The following TPRG1 variants were observed in gnomAD, a reference collection of about 807,000 sequenced individuals.
TPRG1 encodes the protein tumor protein p63-regulated gene 1 protein.
In TPRG1, 29 loss-of-function variants were observed where a neutral mutation model predicts 29.3. The observed-to-expected ratio is 0.99, with a 90% CI of 0.74 to 1.35. The LOEUF is 1.35. Ranked by LOEUF, TPRG1 falls within the 40% of genes most tolerant of loss-of-function variation. TPRG1 has a pLI of 0.00. For missense variants in TPRG1, 327 were observed against 335.0 expected (o/e 0.98, Z 0.19); for synonymous variants, 130 against 116.8 (o/e 1.11, Z -0.73).
intron 3 of TPRG1, among the ~76,000 whole-genome samples, chr3:189,005,255 T>A (rs542113035): frequency 7.9e-5 from 12 of 152,210 alleles, no homozygotes; most frequent in South Asian, 4.1e-4. Context: ...ATAGAAAATG[T>A]TTTTTGCTTC....
chr3:189,080,115 C>T (rs1429276534), intron 4 of TPRG1, among the ~76,000 whole-genome samples: 2 of 152,150 alleles, frequency 1.3e-5, no homozygotes, highest in African/African-American at 4.8e-5. Flanking sequence ...ATGGACAAGA[C>T]TGTAAGAGCT....
intron 4 of TPRG1, among the ~76,000 whole-genome samples, chr3:189,063,139 A>G (rs1716224381): frequency 6.6e-6 from 1 of 152,118 alleles, no homozygotes; most frequent in Admixed American, 6.6e-5. Context: ...TGGACTTCAG[A>G]GCAAAGAAAA....
chr3:189,288,442 C>G (rs951892764), intron 4 of TPRG1, among the ~76,000 whole-genome samples: 1 of 152,136 alleles, frequency 6.6e-6, no homozygotes, highest in African/African-American at 2.4e-5. Flanking sequence ...TAATACTATT[C>G]ACCATCTAAT....
At chr3:189,044,893 T>C (rs1184325209) in intron 4 of TPRG1, among the ~76,000 whole-genome samples, 1 of 152,220 alleles carries the variant, frequency 6.6e-6, no homozygotes, top group Non-Finnish European at 1.5e-5. Flanking sequence ...GAGTATAGTA[T>C]GAAAGGGCCA....
chr3:189,148,876 G>A (rs976584768), intron 4 of TPRG1, among the ~76,000 whole-genome samples: 4 of 152,198 alleles, frequency 2.6e-5, no homozygotes, highest in Non-Finnish European at 4.4e-5. Flanking sequence ...TTCAGAGCCC[G>A]AAGAACTTCC....
chr3:189,318,742 T>C (rs1281798059), intron 5 of TPRG1, among the ~76,000 whole-genome samples: 1 of 152,112 alleles, frequency 6.6e-6, no homozygotes, highest in African/African-American at 2.4e-5. Flanking sequence ...GAATTTAGAT[T>C]TGGATGATAA....
At chr3:189,075,923 T>C (rs1410569329) in intron 4 of TPRG1, among the ~76,000 whole-genome samples, 2 of 152,228 alleles carry the variant, frequency 1.3e-5, no homozygotes, top group African/African-American at 4.8e-5. Flanking sequence ...ACTTCTGGTT[T>C]CTCTCTCCAA....
At chr3:189,126,956 T>A (rs535614644) in intron 1 of TPRG1, 18 of 152,332 alleles carry the variant, frequency 1.2e-4, no homozygotes, top group African/African-American at 4.3e-4. Context: ...GTTTCTAGAC[T>A]TAAATCCAGC....
At chr3:189,111,253 G>A (rs2378471) in intron 1 of TPRG1, among the ~76,000 whole-genome samples, 65,703 of 151,794 alleles carry the variant, frequency 0.43, 19,182 homozygotes, top group African/African-American at 0.82. Flanking sequence ...GATTTCTTTT[G>A]TCAGTATTTT....
At chr3:189,181,507 A>G (rs955864584) in intron 1 of TPRG1, among the ~76,000 whole-genome samples, 2 of 152,216 alleles carry the variant, frequency 1.3e-5, no homozygotes, top group Admixed American at 1.3e-4. Flanking sequence ...TCTCTAGGGC[A>G]GGGGCAAAAT....
At chr3:189,124,999 C>T (rs950618871) in intron 1 of TPRG1, among the ~76,000 whole-genome samples, 2 of 152,174 alleles carry the variant, frequency 1.3e-5, no homozygotes, top group Non-Finnish European at 2.9e-5. Context: ...TTAATCTGTT[C>T]TACCTTCAAT....
intron 5 of TPRG1, among the ~76,000 whole-genome samples, chr3:189,164,823 G>A (rs922871750): frequency 1.3e-5 from 2 of 152,098 alleles, no homozygotes; most frequent in Non-Finnish European, 2.9e-5. Context: ...TGTGTGGCAG[G>A]TTCCCTCCAC....
intron 4 of TPRG1, among the ~76,000 whole-genome samples, chr3:189,065,014 C>T (rs145148284): frequency 6.6e-6 from 1 of 152,188 alleles, no homozygotes; most frequent in African/African-American, 2.4e-5. Flanking sequence ...CAAGGTGAGA[C>T]TCCATCTCTA....
At chr3:189,272,450 G>T (rs1199380310) in intron 4 of TPRG1, among the ~76,000 whole-genome samples, 1 of 152,018 alleles carries the variant, frequency 6.6e-6, no homozygotes, top group Non-Finnish European at 1.5e-5. Context: ...TAATTTGTGT[G>T]TATTTTTTTT....
At chr3:189,072,263 T>C (rs1449168545) in intron 4 of TPRG1, among the ~76,000 whole-genome samples, 1 of 152,222 alleles carries the variant, frequency 6.6e-6, no homozygotes, top group Admixed American at 6.5e-5. Context: ...TTTCCCATAG[T>C]ATGCTTTATG....
chr3:189,252,445 C>A (rs552161189), intron 4 of TPRG1, among the ~76,000 whole-genome samples: 6 of 152,270 alleles, frequency 3.9e-5, no homozygotes, highest in African/African-American at 1.2e-4. Flanking sequence ...GTTATTGTCG[C>A]TTTTCTGAAA....
Position 189,207,475 on chromosome 3 carries a change from A to T in TPRG1, c.91A>T (p.Met31Leu). ...ACCCTCTGAGACTGACCACCTATCG[A>T]TGGAGGAAGAGGACCCGATGCCAAG... Reference protein sequence around the residue: ...DQPSETDHLSMEEEDPMPRQI... With the variant: ...DQPSETDHLSLEEEDPMPRQI... Residue 31 changes from methionine to leucine, a missense_variant, in exon 2 of 6, where the codon ATG becomes TTG. Coordinates refer to ENST00000345063, the MANE Select transcript of TPRG1 (RefSeq NM_198485.4). The T allele has an allele frequency of 1.2e-6, 2 of 1,614,022 alleles. No individual in the cohort carries two copies. Among genetic ancestry groups the T allele is most frequent in the Non-Finnish European group, 1.7e-6 (2 of 1,179,982 alleles).
chr3:189,024,071 T>A (rs778000284), intron 4 of TPRG1: 1 of 152,320 alleles, frequency 6.6e-6, no homozygotes, highest in African/African-American at 2.4e-5. Flanking sequence ...GTTTGGACTC[T>A]CCAAGGCACA....
intron 3 of TPRG1, among the ~76,000 whole-genome samples, chr3:189,007,172 T>A (rs1712335549): frequency 6.6e-6 from 1 of 152,040 alleles, no homozygotes; most frequent in Admixed American, 6.6e-5. Context: ...ATATCCAGAA[T>A]TTACAATGAA....
Sources: allele counts gnomAD v4.1 joint callset (sites outside exome capture counted in the v4.1 genomes callset), GRCh38; gene constraint gnomAD v4.1.1; transcripts MANE v1.5; gene names NCBI Gene and HGNC (gene_info 2026-07-23, HGNC 2026-07-21).